GALNT2: variants seen among roughly 807,000 people sequenced by gnomAD.
The protein encoded by GALNT2 is polypeptide N-acetylgalactosaminyltransferase 2, also known as UDP-GalNAc:polypeptide N-acetylgalactosaminyltransferase 2.
Under a neutral mutation model 81.4 loss-of-function variants are expected in GALNT2, and 31 were observed. The ratio of observed to expected loss-of-function variants is 0.38; its 90% CI spans 0.29 to 0.51. The LOEUF is 0.51. GALNT2 is among the 20% of genes least tolerant of loss of function. GALNT2 has a pLI of 0.87. For synonymous variants in GALNT2, 303 were observed against 287.4 expected, an observed-to-expected ratio of 1.05 and a Z score of -0.55; for missense variants, 629 against 765.7, an observed-to-expected ratio of 0.82 and a Z score of 2.11.
chr1:230,219,902 G>A (rs749048109), intron 3 of GALNT2, among the ~76,000 whole-genome samples: 4 of 152,148 alleles, frequency 2.6e-5, no homozygotes, highest in South Asian at 2.1e-4. Flanking sequence ...CCCAACCAGA[G>A]CCTCTGTGCC....
At position 230,120,487 on chromosome 1, in the gene GALNT2, C is replaced by T. The variant is rs1380233763; in HGVS notation, c.126+53081C>T. 4.6e-5 allele frequency among the ~76,000 whole-genome samples: 7 copies of T among 152,152 alleles called. No individual in the cohort carries two copies. The East Asian group carries it at 1.3e-3, about 29-fold the overall frequency. ...AACCCTCTTGGTACCTCCACACATC[C>T]CTGGAGTCGGCTTTGGGGAACACTG... On this transcript the variant is annotated intron_variant, in intron 1 of 15. Transcript: ENST00000366672.
At chr1:230,211,807 C>T (rs988449520) in intron 3 of GALNT2, among the ~76,000 whole-genome samples, 1 of 152,168 alleles carries the variant, frequency 6.6e-6, no homozygotes, top group Non-Finnish European at 1.5e-5. Flanking sequence ...CTGCATCACA[C>T]TCCTGTAAAG....
chr1:230,095,919 C>T lies in GALNT2; in HGVS notation c.126+28513C>T, dbSNP rs577153292. On this transcript the variant is annotated intron_variant, in intron 1 of 15. Transcript: ENST00000366672. ...AGGCCTCAGACAGGTGAGAGAGCCC[C>T]AGCCGCGAGGCACCTGTGGTCTCAC... is the stretch of plus-strand genomic sequence containing the variant. Among the ~76,000 whole-genome samples, 5 of 152,348 alleles carry T rather than the reference C, an allele frequency of 3.3e-5. No homozygotes were observed. The South Asian group carries it at 8.3e-4, about 25-fold the overall frequency.
intron 1 of GALNT2, among the ~76,000 whole-genome samples, chr1:230,159,149 G>T (rs927157312): frequency 6.6e-6 from 1 of 152,198 alleles, no homozygotes; most frequent in Non-Finnish European, 1.5e-5. Context: ...TTACCCAGCC[G>T]TGGGAAAGGA....
chr1:230,241,254 C>T (rs1170419250), intron 6 of GALNT2, among the ~76,000 whole-genome samples: 1 of 152,030 alleles, frequency 6.6e-6, no homozygotes, highest in African/African-American at 2.4e-5. Context: ...TGTTTCTTCT[C>T]ATGTGTAGTG....
rs561603753 is a variant in GALNT2 at position 230,167,724 on chromosome 1, G to C, written c.127-10494G>C. On this transcript the variant is annotated intron_variant, in intron 1 of 15. Transcript: ENST00000366672. ...GATGGGAGGAAGGGGCGGTGGAGCAGCACGGGTGTGAAATGTGCAGGGCTG... is the reference window on the plus strand; with the variant it reads ...GATGGGAGGAAGGGGCGGTGGAGCACCACGGGTGTGAAATGTGCAGGGCTG... Among the ~76,000 whole-genome samples the C allele has an allele frequency of 9.8e-5, 15 of 152,292 alleles. No individual in the cohort carries two copies. In the South Asian group the frequency reaches 2.5e-3, roughly 25 times the overall value.
At chr1:230,131,274 ATTTC>A (rs1261269130) in intron 1 of GALNT2, among the ~76,000 whole-genome samples, 1 of 152,176 alleles carries the variant, frequency 6.6e-6, no homozygotes, top group Non-Finnish European at 1.5e-5. Context: ...GCCAGTTTTA[ATTTC>A]TTTCTGAGAG....
intron 1 of GALNT2, among the ~76,000 whole-genome samples, chr1:230,138,441 CT>C (rs1160960336): frequency 7.3e-5 from 11 of 150,358 alleles, no homozygotes; most frequent in Admixed American, 6.7e-5. Context: ...AGGAGAATCG[CT>C]TGAACCCAGG....
chr1:230,074,917 A>G (rs756307244), intron 1 of GALNT2, among the ~76,000 whole-genome samples: 22 of 152,126 alleles, frequency 1.4e-4, no homozygotes, highest in Non-Finnish European at 2.9e-4. Context: ...CTCTGGAGGC[A>G]GTGGGGTTTT....
chr1:230,194,021 GA>G (rs1441156182), intron 2 of GALNT2, among the ~76,000 whole-genome samples: 1 of 152,210 alleles, frequency 6.6e-6, no homozygotes, highest in Non-Finnish European at 1.5e-5. Context: ...ATAAGATGGG[GA>G]GAAAAGTTCC....
intron 1 of GALNT2, among the ~76,000 whole-genome samples, chr1:230,167,032 T>G (rs1662624469): frequency 6.6e-6 from 1 of 152,132 alleles, no homozygotes; most frequent in African/African-American, 2.4e-5. Context: ...AATTACAAAT[T>G]TTCCATTTCG....
intron 3 of GALNT2, among the ~76,000 whole-genome samples, chr1:230,224,348 T>C (rs888986854): frequency 2.6e-5 from 4 of 152,202 alleles, no homozygotes; most frequent in Admixed American, 6.5e-5. Flanking sequence ...ATTTAGTCTC[T>C]CTGAAATGAC....
intron 14 of GALNT2, 45 bp from the exon 15 acceptor site, chr1:230,274,400 A>T: frequency 6.3e-7 from 1 of 1,593,112 alleles, no homozygotes; most frequent in Non-Finnish European, 8.6e-7. Flanking sequence ...TTCCTTTCAC[A>T]GCCCGGTGCA....
chr1:230,205,965 C>T lies in GALNT2; in HGVS notation c.374+2675C>T, dbSNP rs921444655. ...TACTGACTGAAGACCAGAAAGCGTC[C>T]GTGTAGCTTTTAAGAAGGGCTTGGC... On this transcript the variant is annotated intron_variant, in intron 3 of 15. Transcript: ENST00000366672. 1.4e-4 allele frequency among the ~76,000 whole-genome samples: 22 copies of T among 152,248 alleles called. No homozygotes were observed. In the South Asian group the frequency reaches 1.7e-3, roughly 11 times the overall value.
chr1:230,229,833 A>G (rs754947513), intron 3 of GALNT2, among the ~76,000 whole-genome samples: 1 of 152,194 alleles, frequency 6.6e-6, no homozygotes, highest in South Asian at 2.1e-4. Flanking sequence ...GGTGCAGAAA[A>G]ATGCTTGGTA....
chr1:230,067,937 G>C (rs929399042), intron 1 of GALNT2, among the ~76,000 whole-genome samples: 4 of 152,138 alleles, frequency 2.6e-5, no homozygotes, highest in Non-Finnish European at 5.9e-5. Flanking sequence ...TTTACCTTTG[G>C]GGGGCAGGGG....
At chr1:230,122,466 C>T (rs776792083) in intron 1 of GALNT2, among the ~76,000 whole-genome samples, 1 of 152,168 alleles carries the variant, frequency 6.6e-6, no homozygotes, top group African/African-American at 2.4e-5. Context: ...CAAATCATAG[C>T]ATGTTGGGAC....
chr1:230,141,400 C>CT (rs1410374154), intron 1 of GALNT2, among the ~76,000 whole-genome samples: 6 of 152,224 alleles, frequency 3.9e-5, no homozygotes, highest in Admixed American at 2.0e-4. Context: ...CCACAGAACT[C>CT]TTTCATCTTG....
intron 1 of GALNT2, among the ~76,000 whole-genome samples, chr1:230,077,934 C>T (rs1261222595): frequency 2.0e-5 from 3 of 152,160 alleles, no homozygotes; most frequent in East Asian, 1.9e-4. Context: ...GCTTCATTGT[C>T]GTTTCTTGGA....
Sources: allele counts gnomAD v4.1 joint callset (sites outside exome capture counted in the v4.1 genomes callset), GRCh38; gene constraint gnomAD v4.1.1; transcripts MANE v1.5; gene names NCBI Gene and HGNC (gene_info 2026-07-23, HGNC 2026-07-21).